The following FGFR3 variants were observed in gnomAD, a reference collection of about 807,000 sequenced individuals.
FGFR3 encodes fibroblast growth factor receptor 3.
A neutral mutation model predicts 82.9 loss-of-function variants in FGFR3; 25 were observed. The observed-to-expected ratio is 0.30, with a 90% CI of 0.22 to 0.42. FGFR3 has a LOEUF of 0.42. Among genes scored for constraint, FGFR3 ranks in the 10% least tolerant of loss-of-function variants. The pLI, the probability that FGFR3 is intolerant of heterozygous loss-of-function variation, is 1.00. For missense variants in FGFR3, 1,026 were observed against 1,161.0 expected, an observed-to-expected ratio of 0.88 and a Z score of 1.69; for synonymous variants, 620 against 516.0, an observed-to-expected ratio of 1.20 and a Z score of -2.73.
intron 2 of FGFR3, among the ~76,000 whole-genome samples, chr4:1,796,125 G>A (rs743682): frequency 0.17 from 25,478 of 152,112 alleles, 3,147 homozygotes; most frequent in African/African-American, 0.35. Context: ...CCTCACCTGA[G>A]TGATTCAGGA....
chr4:1,807,032 C>T (rs1722019965), intron 17 of FGFR3, 84 bp from the exon 18 acceptor site: 1 of 1,551,226 alleles, frequency 6.4e-7, no homozygotes, highest in South Asian at 1.2e-5. Flanking sequence ...TGGGGCGGGC[C>T]TTCTGGGGCA....
In FGFR3 at chr4:1,804,921, C is replaced by T; in HGVS notation, c.1364C>T (p.Ser455Phe). 6.5e-7 allele frequency: 1 copy of T among 1,550,028 alleles called. No individual in the cohort carries two copies. The change falls in exon 10 of 18, where the codon TCC becomes TTC. Residue 455 changes from serine (S) to phenylalanine (F), a missense_variant. Ser to Phe is a radical substitution (Grantham distance 155). Coordinates refer to ENST00000440486, the MANE Select transcript of FGFR3 (RefSeq NM_000142.5). ...GAGGGCCCCACGCTGGCCAATGTCT[C>T]CGAGCTCGAGCTGCCTGCCGACCCC... ...SGEGPTLANV[S>F]ELELPADPKW... is the part of the protein sequence containing the mutation.
In FGFR3 at chr4:1,803,834, C is replaced by T; in HGVS notation, c.1073C>T (p.Pro358Leu). The T allele has an allele frequency of 2.5e-6, 4 of 1,613,696 alleles. No individual in the cohort carries two copies. Among genetic ancestry groups the T allele is most frequent in the Non-Finnish European group, 3.4e-6 (4 of 1,179,898 alleles). ...SHHSAWLVVL[P>L]AEEELVEADE... Reference sequence around the variant, plus strand: ...CACTCTGCGTGGCTGGTGGTGCTGCCAGGTACCGGCTTCTGCTGCTGCTGC... The same window carrying T: ...CACTCTGCGTGGCTGGTGGTGCTGCTAGGTACCGGCTTCTGCTGCTGCTGC... The change falls in exon 8 of 18, where the codon CCA becomes CTA. Residue 358 changes from proline to leucine, a missense_variant and splice_region_variant. This residue lies in a region of FGFR3 where 256 missense variants were observed against 217.6 expected (regional missense o/e 1.18). Transcript: ENST00000440486.
rs755495007 is a variant in FGFR3 at position 1,806,640 on chromosome 4, G to C, written c.2125G>C (p.Glu709Gln). The C allele has an allele frequency of 1.2e-6, 2 of 1,613,064 alleles. No homozygotes were observed. Among genetic ancestry groups the C allele is most frequent in the Non-Finnish European group, 1.7e-6 (2 of 1,179,944 alleles). ...PVEELFKLLK[E>Q]GHRMDKPANC... The stretch of plus-strand genomic sequence containing the variant: ...GGAGGAGCTCTTCAAGCTGCTGAAG[G>C]AGGGCCACCGCATGGACAAGCCCGC... The change falls in exon 16 of 18, where the codon GAG becomes CAG. Residue 709 changes from glutamate to glutamine, a missense_variant. Around this residue, in one of 9 missense-constraint regions of FGFR3, gnomAD observed 155 missense variants for 150.2 expected, o/e 1.03. Coordinates refer to ENST00000440486, the MANE Select transcript of FGFR3 (RefSeq NM_000142.5).
At chr4:1,797,879 G>C (rs1314144227) in intron 2 of FGFR3, among the ~76,000 whole-genome samples, 3 of 152,162 alleles carry the variant, frequency 2.0e-5, no homozygotes, top group Non-Finnish European at 2.9e-5. Flanking sequence ...GGCAGAAGAG[G>C]GCCTGGCCGG....
chr4:1,802,827 T>A, intron 7 of FGFR3: 4 of 1,460,270 alleles, frequency 2.7e-6, no homozygotes, highest in Non-Finnish European at 3.6e-6. Flanking sequence ...AGCCTCGATC[T>A]GTACCTTGGG....
chr4:1,798,308 C>T (rs1442336247), intron 2 of FGFR3, among the ~76,000 whole-genome samples: 3 of 151,976 alleles, frequency 2.0e-5, no homozygotes, highest in Non-Finnish European at 2.9e-5. Context: ...GCCTGGTCGT[C>T]CTCTGTGAGG....
In FGFR3 at chr4:1,801,326, C is replaced by G. The variant is rs775208060; in HGVS notation, c.446-41C>G. ...GGGGTTGTTCAGAGGGGCCTCTGCTCCCACTCGGGTCATGGCCTTCACACG... is the reference window on the plus strand; with the variant it reads ...GGGGTTGTTCAGAGGGGCCTCTGCTGCCACTCGGGTCATGGCCTTCACACG... On this transcript the variant is annotated intron_variant, in intron 4 of 17. Transcript: ENST00000440486. 11 of 1,540,396 alleles carry G rather than the reference C, an allele frequency of 7.1e-6. No individual in the cohort carries two copies. The East Asian group carries it at 2.7e-4, about 38-fold the overall frequency.
intron 15 of FGFR3, 30 bp downstream of exon 15, chr4:1,806,357 G>A (rs2108809674): frequency 6.2e-7 from 1 of 1,612,168 alleles, no homozygotes; most frequent in Non-Finnish European, 8.5e-7. Context: ...CAGGCTTCAG[G>A]GGTGGAGGCG....
rs1239741757 is a variant in FGFR3, at chr4:1,807,437, G to A, written c.*175G>A. 1 of 999,892 alleles carries A rather than the reference G, an allele frequency of 1.0e-6. No homozygotes were observed. Among genetic ancestry groups the A allele is most frequent in the Non-Finnish European group, 1.5e-6 (1 of 658,034 alleles). 61.9% of individuals were successfully genotyped at this position (999,892 alleles called of 1,614,324 possible). On this transcript the variant is annotated 3_prime_UTR_variant, in exon 18 of 18. Coordinates refer to ENST00000440486, the MANE Select transcript of FGFR3 (RefSeq NM_000142.5). ...TGTGTGTGCACATCCGCGTGTGCCT[G>A]TGTGCGTGCGCATCTTGCCTCCAGG...
intron 2 of FGFR3, among the ~76,000 whole-genome samples, chr4:1,795,669 C>G (rs1720423780): frequency 6.6e-6 from 1 of 152,206 alleles, no homozygotes; most frequent in Admixed American, 6.5e-5. Flanking sequence ...CCTGGCCACC[C>G]CAGGCCCTGC....
chr4:1,808,218 G>A lies in FGFR3; in HGVS notation c.*956G>A. On this transcript the variant is annotated 3_prime_UTR_variant, in exon 18 of 18. Coordinates refer to ENST00000440486, the MANE Select transcript of FGFR3 (RefSeq NM_000142.5). ...TTTTTAACTTATTGACAACCGAGAAGGTTTATCCCGCCGATAGAGGGACGG... is the reference window on the plus strand; with the variant it reads ...TTTTTAACTTATTGACAACCGAGAAAGTTTATCCCGCCGATAGAGGGACGG... The A allele has an allele frequency of 4.3e-6, 1 of 232,900 alleles. No homozygotes were observed. 14.4% of individuals were successfully genotyped at this position (232,900 alleles called of 1,614,324 possible).
At chr4:1,802,534 C>T (rs1399125544) in intron 7 of FGFR3, among the ~76,000 whole-genome samples, 2 of 152,226 alleles carry the variant, frequency 1.3e-5, no homozygotes, top group Admixed American at 6.5e-5. Context: ...ACTCAAAGCC[C>T]AAAGAGAAAC....
chr4:1,801,129 C>T (rs371619477), intron 4 of FGFR3, among the ~76,000 whole-genome samples: 12 of 152,292 alleles, frequency 7.9e-5, no homozygotes, highest in African/African-American at 2.9e-4. Flanking sequence ...CCTGTGACTT[C>T]ACAGGTCCGG....
intron 2 of FGFR3, among the ~76,000 whole-genome samples, chr4:1,794,929 T>A (rs546777232): frequency 1.1e-3 from 174 of 151,612 alleles, no homozygotes; most frequent in African/African-American, 4.0e-3. Context: ...CAGCCGCTTC[T>A]TTGTACCTCG....
Position 1,806,537 on chromosome 4 carries a change from C to T in FGFR3, c.2031-9C>T, listed in dbSNP as rs755223880. ...TCTCAGGACAGCCTGACCTCACCTT[C>T]CCCTGCAGCTGGTCCTTTGGGGTCC... On this transcript the variant is annotated splice_polypyrimidine_tract_variant and intron_variant, in intron 15 of 17. Coordinates refer to ENST00000440486, the MANE Select transcript of FGFR3 (RefSeq NM_000142.5). 5 of 1,612,984 alleles carry T rather than the reference C, an allele frequency of 3.1e-6. No homozygotes were observed. Among genetic ancestry groups the T allele is most frequent in the South Asian group, 2.2e-5 (2 of 91,088 alleles).
chr4:1,798,135 C>T (rs1577263830), intron 2 of FGFR3, among the ~76,000 whole-genome samples: 1 of 152,078 alleles, frequency 6.6e-6, no homozygotes, highest in Non-Finnish European at 1.5e-5. Flanking sequence ...GTCCTTGGGT[C>T]ACAGGCTTTG....
At chr4:1,796,038 TTGAG>T (rs1720472553) in intron 2 of FGFR3, among the ~76,000 whole-genome samples, 1 of 152,126 alleles carries the variant, frequency 6.6e-6, no homozygotes, top group Admixed American at 6.5e-5. Context: ...ACAGCTGAGC[TTGAG>T]TGGGAGCCCA....
At chr4:1,803,622 C>T (rs1336012388) in intron 7 of FGFR3, 70 bp from the exon 8 acceptor site, 37 of 1,577,140 alleles carry the variant, frequency 2.3e-5, no homozygotes, top group Middle Eastern at 2.0e-4. Flanking sequence ...TGGATCCTGC[C>T]GTGTGGACTC....
Sources: allele counts gnomAD v4.1 joint callset (sites outside exome capture counted in the v4.1 genomes callset), GRCh38; gene constraint gnomAD v4.1.1; regional missense constraint gnomAD v4.1.1; transcripts MANE v1.5; gene names NCBI Gene and HGNC (gene_info 2026-07-23, HGNC 2026-07-21).